The following ASB3 variants were observed in gnomAD, a reference collection of about 807,000 sequenced individuals.
ASB3 encodes ankyrin repeat and SOCS box protein 3.
In ASB3, 41 loss-of-function variants were observed where a neutral mutation model predicts 54.5. That is an observed-to-expected ratio of 0.75 (90% CI 0.59 to 0.98). ASB3 has a LOEUF of 0.98. ASB3 is among the 50% of genes least tolerant of loss of function. The probability of loss-of-function intolerance (pLI) is 0.00; values close to 1 mark genes in which losing one functional copy is unlikely to be tolerated. For missense variants in ASB3, 733 were observed against 620.0 expected (o/e 1.18, Z -1.94); for synonymous variants, 266 against 221.2 (o/e 1.20, Z -1.80).
chr2:53,748,486 C>T (rs1672347572), intron 3 of ASB3: 1 of 152,132 alleles, frequency 6.6e-6, no homozygotes, highest in South Asian at 2.1e-4. Context: ...CCAAAGCTTC[C>T]ATGAAACGTG....
intron 7 of ASB3, among the ~76,000 whole-genome samples, chr2:53,708,192 C>A (rs1669896151): frequency 6.6e-6 from 1 of 152,050 alleles, no homozygotes; most frequent in South Asian, 2.1e-4. Flanking sequence ...GTAGTGTCCT[C>A]ACAGTAGGGA....
chr2:53,691,987 C>G (rs928971085), intron 9 of ASB3, among the ~76,000 whole-genome samples: 1 of 152,174 alleles, frequency 6.6e-6, no homozygotes, highest in Non-Finnish European at 1.5e-5. Flanking sequence ...ATTTCTCAAC[C>G]TCGGCGCTAC....
At chr2:53,754,698 T>C (rs1672718732) in intron 2 of ASB3, among the ~76,000 whole-genome samples, 1 of 152,168 alleles carries the variant, frequency 6.6e-6, no homozygotes, top group Admixed American at 6.5e-5. Flanking sequence ...GAGGATAAAT[T>C]AGCTGGACCA....
chr2:53,755,979 C>A (rs573739227), intron 2 of ASB3, among the ~76,000 whole-genome samples: 13 of 119,850 alleles, frequency 1.1e-4, no homozygotes, highest in African/African-American at 2.3e-4. Flanking sequence ...ATAGTAAGAC[C>A]CCCCCCCCAC....
At chr2:53,711,661 C>T (rs551079792) in intron 7 of ASB3, among the ~76,000 whole-genome samples, 1 of 152,202 alleles carries the variant, frequency 6.6e-6, no homozygotes, top group East Asian at 1.9e-4. Context: ...ACAATCCCAG[C>T]TACTTGGGTG....
chr2:53,676,877 T>G (rs1448772719), intron 9 of ASB3, among the ~76,000 whole-genome samples: 1 of 152,212 alleles, frequency 6.6e-6, no homozygotes, highest in Non-Finnish European at 1.5e-5. Flanking sequence ...CAAGCAATTC[T>G]CCTGCCTCAG....
Position 53,774,659 on chromosome 2 carries a change from CAT to C in ASB3, c.-13-9076_-13-9075del, listed in dbSNP as rs140565316. 1.2e-4 allele frequency: 78 copies of C among 643,008 alleles called. No homozygotes were observed. In the African/African-American group the frequency reaches 1.3e-3, roughly 11 times the overall value. The allele number at this position is 643,008 out of a possible 1,614,324, so 39.8% of individuals were successfully genotyped here. On this transcript the variant is annotated intron_variant, in intron 1 of 9. Transcript: ENST00000263634. ...TTTTAACTGGAAATGTCCTGAAACA[CAT>C]ATTTAAAATATTGGGATACAGTGAA...
intron 7 of ASB3, among the ~76,000 whole-genome samples, chr2:53,705,820 T>C (rs1669737575): frequency 6.6e-6 from 1 of 152,214 alleles, no homozygotes; most frequent in South Asian, 2.1e-4. Flanking sequence ...TTTTAACCTT[T>C]AAATTTGTTA....
intron 5 of ASB3, among the ~76,000 whole-genome samples, chr2:53,723,130 A>C (rs1558539787): frequency 6.6e-6 from 1 of 152,182 alleles, no homozygotes; most frequent in Non-Finnish European, 1.5e-5. Context: ...AATACATCTT[A>C]CCAAGGAGGT....
At chr2:53,743,503 C>T (rs989311152) in intron 3 of ASB3, among the ~76,000 whole-genome samples, 3 of 152,006 alleles carry the variant, frequency 2.0e-5, no homozygotes, top group Non-Finnish European at 4.4e-5. Flanking sequence ...GATGCCAGAA[C>T]AAAATGCAAA....
At chr2:53,726,370 C>T (rs1232730799) in intron 5 of ASB3, among the ~76,000 whole-genome samples, 1 of 150,792 alleles carries the variant, frequency 6.6e-6, no homozygotes, top group East Asian at 2.0e-4. Context: ...AAGCAATTCT[C>T]CTGCCTCAGC....
chr2:53,749,415 A>G (rs145359084), intron 3 of ASB3, among the ~76,000 whole-genome samples: 25 of 152,252 alleles, frequency 1.6e-4, no homozygotes, highest in Admixed American at 3.9e-4. Context: ...CCAAAGTTAA[A>G]CATATATTTA....
intron 3 of ASB3, among the ~76,000 whole-genome samples, chr2:53,744,517 T>C (rs1415340954): frequency 6.6e-6 from 1 of 152,120 alleles, no homozygotes; most frequent in African/African-American, 2.4e-5. Flanking sequence ...AATGTAACTT[T>C]TAGTAAACTC....
intron 3 of ASB3, among the ~76,000 whole-genome samples, chr2:53,737,513 A>G (rs1475758173): frequency 1.3e-5 from 2 of 152,120 alleles, no homozygotes; most frequent in Non-Finnish European, 2.9e-5. Context: ...GCAAATAAAA[A>G]CTGCTTAAGG....
At chr2:53,707,392 A>C (rs565019339) in intron 7 of ASB3, among the ~76,000 whole-genome samples, 3 of 152,298 alleles carry the variant, frequency 2.0e-5, no homozygotes, top group Admixed American at 2.0e-4. Context: ...CTGTAATCCC[A>C]GCACTTTTGG....
intron 3 of ASB3, among the ~76,000 whole-genome samples, chr2:53,733,445 CT>C (rs57956105): frequency 0.38 from 54,982 of 144,588 alleles, 10,592 homozygotes; most frequent in African/African-American, 0.5. Flanking sequence ...TCTCCACTTC[CT>C]TTTTTTTTTT....
intron 1 of ASB3, among the ~76,000 whole-genome samples, chr2:53,781,594 C>G (rs1674654153): frequency 6.6e-6 from 1 of 152,222 alleles, no homozygotes; most frequent in Non-Finnish European, 1.5e-5. Flanking sequence ...CTCCCAGGTT[C>G]AAGTGATTCT....
rs369246176 is a variant in ASB3 at position 53,774,457 on chromosome 2, C to T, written c.-13-8872G>A. On this transcript the variant is annotated intron_variant, in intron 1 of 9. Transcript: ENST00000263634. ...CCTTGTGCCAGAAGAAGCAGATGAG[C>T]ATCTTTTCGCTTTGGAAAAATTAGT... 1.9e-6 allele frequency: 3 copies of T among 1,594,884 alleles called. No individual in the cohort carries two copies. The African/African-American group carries it at 4.1e-5, about 22-fold the overall frequency.
At chr2:53,771,432 G>A (rs1040061422) in intron 1 of ASB3, among the ~76,000 whole-genome samples, 33 of 152,138 alleles carry the variant, frequency 2.2e-4, no homozygotes, top group African/African-American at 8.0e-4. Flanking sequence ...AGAATTGCTT[G>A]AGCCCGAGAG....
Sources: allele counts gnomAD v4.1 joint callset (sites outside exome capture counted in the v4.1 genomes callset), GRCh38; gene constraint gnomAD v4.1.1; transcripts MANE v1.5; gene names NCBI Gene and HGNC (gene_info 2026-07-23, HGNC 2026-07-21).